MYBPC1: variants seen among roughly 807,000 people sequenced by gnomAD.
The protein encoded by MYBPC1 is myosin binding protein C1.
A neutral mutation model predicts 147.1 loss-of-function variants in MYBPC1; 52 were observed. The observed-to-expected ratio is 0.35, with a 90% CI of 0.28 to 0.45. The LOEUF (loss-of-function observed/expected upper bound fraction) is 0.45. Ranked by LOEUF, MYBPC1 falls within the 20% of genes least tolerant of loss-of-function variation. MYBPC1 has a pLI of 1.00. For synonymous variants in MYBPC1, 477 were observed against 475.9 expected (o/e 1.00, Z -0.03); for missense variants, 1,228 against 1,440.3 (o/e 0.85, Z 2.39).
intron 12 of MYBPC1, among the ~76,000 whole-genome samples, chr12:101,645,041 G>A (rs1253856257): frequency 6.6e-6 from 1 of 151,956 alleles, no homozygotes; most frequent in Non-Finnish European, 1.5e-5. Context: ...ATGGTTTTGT[G>A]TCGCTATAGG....
At chr12:101,692,101 C>T in the MYBPC1 span, among the ~76,000 whole-genome samples, 5 of 152,130 alleles carry the variant, frequency 3.3e-5, no homozygotes, top group South Asian at 1.0e-3. Flanking sequence ...GGTTTGGGGA[C>T]AGCCAATGGG....
At chr12:101,616,741 A>G (rs973644537) in intron 2 of MYBPC1, among the ~76,000 whole-genome samples, 3 of 152,236 alleles carry the variant, frequency 2.0e-5, no homozygotes, top group Non-Finnish European at 4.4e-5. Context: ...TTGAAGCAAC[A>G]TACACTGCAC....
In MYBPC1 at chr12:101,631,999, G is replaced by A. The variant is rs984452257; in HGVS notation, c.439-22G>A. 2.6e-6 allele frequency: 4 copies of A among 1,540,036 alleles called. 1 individual carries two copies. The African/African-American group carries it at 4.1e-5, about 16-fold the overall frequency. On this transcript the variant is annotated intron_variant, in intron 7 of 31. Coordinates refer to ENST00000361466, the MANE Select transcript of MYBPC1 (RefSeq NM_002465.4). The stretch of plus-strand genomic sequence containing the variant: ...TTGGAAAATAAACTGAAATGTGTGT[G>A]TCTGGATGCATTTCATTGCAGGTGT...
chr12:101,693,738 T>C, the MYBPC1 span, among the ~76,000 whole-genome samples: 1 of 103,540 alleles, frequency 9.7e-6, no homozygotes, highest in Non-Finnish European at 2.3e-5. Flanking sequence ...AATCTGTCTC[T>C]AAATAAATAA....
At chr12:101,609,542 C>T (rs966062106) in intron 1 of MYBPC1, among the ~76,000 whole-genome samples, 2 of 152,058 alleles carry the variant, frequency 1.3e-5, no homozygotes, top group African/African-American at 4.8e-5. Flanking sequence ...CTTGACCTCC[C>T]GAGCCACCAT....
chr12:101,646,679 A>C, intron 12 of MYBPC1, 84 bp from the exon 13 acceptor site: 1 of 1,521,280 alleles, frequency 6.6e-7, no homozygotes, highest in Non-Finnish European at 9.0e-7. Context: ...ACACTACCAA[A>C]TTATAAGCCA....
chr12:101,682,613 A>C lies in MYBPC1; in HGVS notation c.3443A>C (p.Gln1148Pro), dbSNP rs1160901797. ...TATTCTGATTCTGCAGTGATATATC[A>C]AGGAGTAAATACCCCTGGACAACCA... ...ECKLEVKVIY[Q>P]GVNTPGQPVF... Residue 1148 changes from glutamine to proline, a missense_variant, in exon 30 of 32, where the codon CAA becomes CCA. Gln to Pro is a moderately conservative substitution (Grantham distance 76, BLOSUM62 -1). Around this residue, in one of 2 missense-constraint regions of MYBPC1, gnomAD observed 1,077 missense variants for 1,314.2 expected, o/e 0.82. Transcript: ENST00000361466. The C allele has an allele frequency of 6.2e-7, 1 of 1,612,862 alleles. No individual in the cohort carries two copies. The highest frequency in any genetic ancestry group is 1.3e-5 in the African/African-American group (1 of 75,018).
chr12:101,611,257 A>G (rs769213212), intron 1 of MYBPC1, among the ~76,000 whole-genome samples: 1 of 152,220 alleles, frequency 6.6e-6, no homozygotes. Flanking sequence ...TTCATGACCA[A>G]TATTTTGTGG....
At chr12:101,686,575 G>A (rs1951350644), downstream of MYBPC1, among the ~76,000 whole-genome samples, 1 of 152,144 alleles carries the variant, frequency 6.6e-6, no homozygotes, top group African/African-American at 2.4e-5. Flanking sequence ...CTGATATAAA[G>A]TTTCAGTTAA....
intron 18 of MYBPC1, among the ~76,000 whole-genome samples, chr12:101,658,144 A>G (rs1436366773): frequency 1.3e-5 from 2 of 151,744 alleles, no homozygotes; most frequent in Non-Finnish European, 2.9e-5. Context: ...AAAAAAAAAA[A>G]AAAAAGAGCA....
At chr12:101,601,511 T>G (rs951923218) in intron 1 of MYBPC1, among the ~76,000 whole-genome samples, 1 of 152,190 alleles carries the variant, frequency 6.6e-6, no homozygotes, top group Non-Finnish European at 1.5e-5. Context: ...CCAGAATCAT[T>G]CAATCTCACA....
chr12:101,626,129 A>G (rs1006907891), intron 3 of MYBPC1, among the ~76,000 whole-genome samples: 7 of 148,926 alleles, frequency 4.7e-5, no homozygotes, highest in Non-Finnish European at 8.9e-5. Context: ...CTTCTACTGA[A>G]GTTTTTAGGT....
intron 1 of MYBPC1, among the ~76,000 whole-genome samples, chr12:101,605,723 G>T (rs1177388660): frequency 6.6e-6 from 1 of 151,868 alleles, no homozygotes; most frequent in Non-Finnish European, 1.5e-5. Context: ...TTAGCTGAGC[G>T]TGGTGGTGGA....
chr12:101,603,651 G>C (rs1881021608), intron 1 of MYBPC1, among the ~76,000 whole-genome samples: 1 of 152,138 alleles, frequency 6.6e-6, no homozygotes, highest in African/African-American at 2.4e-5. Context: ...ACATAAATAA[G>C]TGATACAAGA....
At chr12:101,652,528 C>T (rs1419677335) in intron 16 of MYBPC1, 150 bp from the exon 17 acceptor site, 12 of 546,080 alleles carry the variant, frequency 2.2e-5, no homozygotes, top group Non-Finnish European at 3.1e-5. Flanking sequence ...TTCTCATCCT[C>T]TCTCTCTCTC....
At chr12:101,677,469 G>A (rs1900257950) in intron 27 of MYBPC1, 75 bp downstream of exon 27, 1 of 1,553,468 alleles carries the variant, frequency 6.4e-7, no homozygotes, top group Non-Finnish European at 8.8e-7. Context: ...AAAAAGAGAT[G>A]TGGTGAAAGG....
Position 101,636,996 on chromosome 12 carries a change from T to C in MYBPC1, c.665+268T>C, listed in dbSNP as rs572948388. ...TTTTTTAAATGGGGACGAAGAGATA[T>C]GAAAACTGAGACATAAGACAAATAC... On this transcript the variant is annotated intron_variant, in intron 10 of 31. Coordinates refer to ENST00000361466, the MANE Select transcript of MYBPC1 (RefSeq NM_002465.4). 9.3e-5 allele frequency: 42 copies of C among 453,670 alleles called. 1 individual carries two copies. The highest frequency in any genetic ancestry group is 8.7e-4 in the South Asian group (39 of 44,712). The allele number at this position is 453,670 out of a possible 1,614,324, so 28.1% of individuals were successfully genotyped here.
In MYBPC1 at chr12:101,649,299, A is replaced by G. The variant is rs758961215; in HGVS notation, c.1236A>G (p.Ser412=). 56 of 1,613,752 alleles carry G rather than the reference A, an allele frequency of 3.5e-5. No homozygotes were observed. Among genetic ancestry groups the G allele is most frequent in the Non-Finnish European group, 4.6e-5 (54 of 1,179,790 alleles). The change falls in exon 15 of 32, where the codon TCA becomes TCG. Residue 412 remains serine (S), a synonymous_variant. Coordinates refer to ENST00000361466, the MANE Select transcript of MYBPC1 (RefSeq NM_002465.4). ...NGEEIIPGPK[S]RYRIRVEGKK... ...AAGAGATTATCCCTGGTCCAAAATCAAGATACCGAATTAGAGTTGAGGGTA... is the reference window on the plus strand; with the variant it reads ...AAGAGATTATCCCTGGTCCAAAATCGAGATACCGAATTAGAGTTGAGGGTA...
At chr12:101,663,693 T>C in intron 22 of MYBPC1, 133 bp downstream of exon 22, 1 of 1,055,122 alleles carries the variant, frequency 9.5e-7, no homozygotes, top group Non-Finnish European at 1.4e-6. Flanking sequence ...ACGTCATCCT[T>C]CTGAGATGTA....
Sources: gnomAD v4.1 joint callset for allele counts (sites outside exome capture counted in the v4.1 genomes callset) on GRCh38, gnomAD v4.1.1 for gene constraint, gnomAD v4.1.1 regional missense constraint, MANE v1.5 for transcripts, NCBI Gene and HGNC (gene_info 2026-07-23, HGNC 2026-07-21) for gene names.